The following UGT1A8 variants were observed in gnomAD, a reference collection of about 807,000 sequenced individuals.
UGT1A8 encodes the protein UDP glucuronosyltransferase family 1 member A8.
A neutral mutation model predicts 45.3 loss-of-function variants in UGT1A8; 39 were observed. The observed-to-expected ratio is 0.86, with a 90% CI of 0.67 to 1.12. The LOEUF (loss-of-function observed/expected upper bound fraction) is 1.12, where lower values mean the gene tolerates loss of function less well. Among genes scored for constraint, UGT1A8 ranks in the 50% most tolerant of loss-of-function variants. UGT1A8 has a pLI of 0.00. For synonymous variants in UGT1A8, 275 were observed against 249.2 expected (o/e 1.10, Z -0.97); for missense variants, 719 against 664.9 (o/e 1.08, Z -0.90).
At chr2:233,765,117 T>C (rs1698755913) in intron 1 of UGT1A8, among the ~76,000 whole-genome samples, 1 of 152,162 alleles carries the variant, frequency 6.6e-6, no homozygotes, top group Admixed American at 6.5e-5. Flanking sequence ...CTCAGGACTG[T>C]TCAGGTTTTA....
chr2:233,724,289 T>C (rs1391719370), intron 1 of UGT1A8, among the ~76,000 whole-genome samples: 13 of 129,340 alleles, frequency 1.0e-4, no homozygotes, highest in African/African-American at 3.0e-4. Flanking sequence ...GGCGGGGGGC[T>C]GACCCCCCCA....
At chr2:233,647,236 C>G (rs191887176) in intron 1 of UGT1A8, among the ~76,000 whole-genome samples, 1 of 152,178 alleles carries the variant, frequency 6.6e-6, no homozygotes, top group Non-Finnish European at 1.5e-5. Context: ...AGTTCCAATT[C>G]AAGATGAGCT....
At chr2:233,627,438 G>T (rs1417936972) in intron 1 of UGT1A8, among the ~76,000 whole-genome samples, 1 of 151,938 alleles carries the variant, frequency 6.6e-6, no homozygotes, top group African/African-American at 2.4e-5. Context: ...GTCATATAAT[G>T]ACTTTGCATT....
chr2:233,732,984 G>A lies in UGT1A8; in HGVS notation c.856-34050G>A, dbSNP rs112925257. On this transcript the variant is annotated intron_variant, in intron 1 of 4. Coordinates refer to ENST00000373450, the MANE Select transcript of UGT1A8 (RefSeq NM_019076.5). ...ATTTGTTTGTGTCTTCTTTTATTTCGTTGAGCAGTGGTTTGTAGTTCTCCT... is the reference window on the plus strand; with the variant it reads ...ATTTGTTTGTGTCTTCTTTTATTTCATTGAGCAGTGGTTTGTAGTTCTCCT... 1.2e-3 allele frequency among the ~76,000 whole-genome samples: 181 copies of A among 152,020 alleles called. 1 individual carries two copies. The highest frequency in any genetic ancestry group is 5.5e-3 in the Admixed American group (84 of 15,268).
chr2:233,717,440 C>G (rs1261238198), intron 1 of UGT1A8, among the ~76,000 whole-genome samples: 3 of 152,238 alleles, frequency 2.0e-5, no homozygotes, highest in Non-Finnish European at 4.4e-5. Context: ...CTGATGGACG[C>G]ATCCATTCAC....
chr2:233,688,606 C>G (rs1414211469), intron 1 of UGT1A8, among the ~76,000 whole-genome samples: 3 of 152,254 alleles, frequency 2.0e-5, no homozygotes, highest in South Asian at 4.1e-4. Flanking sequence ...CAGAATAACA[C>G]CCTCAGCAAA....
intron 1 of UGT1A8, chr2:233,649,036 T>C: frequency 1.7e-6 from 2 of 1,189,750 alleles, no homozygotes; most frequent in Non-Finnish European, 2.3e-6. Context: ...GGTAAGTCAT[T>C]GCTCCTTTAG....
chr2:233,743,731 G>T (rs373030535), intron 1 of UGT1A8: 5 of 1,367,244 alleles, frequency 3.7e-6, no homozygotes, highest in African/African-American at 3.0e-5. Context: ...CATAGATATC[G>T]CGTTTCTTGG....
intron 1 of UGT1A8, among the ~76,000 whole-genome samples, chr2:233,673,304 G>A (rs188982794): frequency 2.6e-4 from 40 of 152,152 alleles, no homozygotes; most frequent in Middle Eastern, 3.4e-3. Flanking sequence ...GACCAATACA[G>A]ACAGATTTGA....
intron 1 of UGT1A8, among the ~76,000 whole-genome samples, chr2:233,652,891 C>T (rs1338090829): frequency 6.6e-6 from 1 of 152,168 alleles, no homozygotes; most frequent in African/African-American, 2.4e-5. Context: ...ATTTATGACC[C>T]AGATTTGGAA....
chr2:233,648,440 T>TTTATTATTA (rs71058568), intron 1 of UGT1A8: 2 of 156,596 alleles, frequency 1.3e-5, no homozygotes, highest in Non-Finnish European at 2.8e-5. Flanking sequence ...GCTGTGACTT[T>TTTATTATTA]TTATTATTAT....
intron 1 of UGT1A8, chr2:233,747,510 T>C (rs1693700936): frequency 1.9e-6 from 3 of 1,608,048 alleles, no homozygotes; most frequent in Non-Finnish European, 2.6e-6. Flanking sequence ...CACTCAACTG[T>C]ACTTTGAAAC....
At chr2:233,619,720 T>G (rs1251991810) in intron 1 of UGT1A8, among the ~76,000 whole-genome samples, 1 of 152,188 alleles carries the variant, frequency 6.6e-6, no homozygotes, top group East Asian at 1.9e-4. Flanking sequence ...GTAATTAAAG[T>G]TTTGGTTTTT....
Position 233,617,992 on chromosome 2 carries a change from T to A in UGT1A8, c.285T>A (p.Asp95Glu). 6.2e-7 allele frequency: 1 copy of A among 1,614,228 alleles called. No homozygotes were observed. Among genetic ancestry groups the A allele is most frequent in the Middle Eastern group, 1.6e-4 (1 of 6,062 alleles). ...DLDREFMDFADAQWKAQVRSL... is the reference protein window; with the variant it reads ...DLDREFMDFAEAQWKAQVRSL... ...ACCGGGAATTCATGGATTTCGCCGA[T>A]GCTCAATGGAAAGCACAAGTACGAA... The change falls in exon 1 of 5, where the codon GAT becomes GAA. Residue 95 changes from aspartate (D) to glutamate (E), a missense_variant. By Grantham distance (45) the Asp-to-Glu change is conservative. Coordinates refer to ENST00000373450, the MANE Select transcript of UGT1A8 (RefSeq NM_019076.5).
intron 1 of UGT1A8, among the ~76,000 whole-genome samples, chr2:233,696,184 T>G (rs2075330442): frequency 6.6e-6 from 1 of 152,222 alleles, no homozygotes. Flanking sequence ...ATTGAAGAGC[T>G]ATCTGCACTC....
chr2:233,749,918 CA>C (rs1168394820), intron 1 of UGT1A8, among the ~76,000 whole-genome samples: 1 of 151,918 alleles, frequency 6.6e-6, no homozygotes. Flanking sequence ...AACTGTGAGT[CA>C]ATTAAAGCTC....
At chr2:233,761,445 T>C (rs1438331604) in intron 1 of UGT1A8, among the ~76,000 whole-genome samples, 2 of 152,234 alleles carry the variant, frequency 1.3e-5, no homozygotes, top group African/African-American at 4.8e-5. Flanking sequence ...CACAGAATGC[T>C]GGGTTTGGGG....
Position 233,690,972 on chromosome 2 carries a change from C to T in UGT1A8, c.855+72410C>T, listed in dbSNP as rs191302796. On this transcript the variant is annotated intron_variant, in intron 1 of 4. Coordinates refer to ENST00000373450, the MANE Select transcript of UGT1A8 (RefSeq NM_019076.5). Reference sequence around the variant, plus strand: ...CTGTAGGGACTTCTGGGACTAAGAACAGGACCCACATATGAGCAACAGGAT... The same window carrying T: ...CTGTAGGGACTTCTGGGACTAAGAATAGGACCCACATATGAGCAACAGGAT... 157 of 1,003,304 alleles carry T rather than the reference C, an allele frequency of 1.6e-4. 2 individuals are homozygous for T. In the Admixed American group the frequency reaches 8.5e-3, roughly 54 times the overall value. The allele number at this position is 1,003,304 out of a possible 1,614,324, so 62.2% of individuals were successfully genotyped here. A position where few individuals can be genotyped will look rare whatever the true frequency, so the allele number is the denominator to read the frequency against.
At chr2:233,729,021 C>G in intron 1 of UGT1A8, 4 of 1,593,202 alleles carry the variant, frequency 2.5e-6, no homozygotes, top group Non-Finnish European at 3.4e-6. Context: ...TCCAATTACA[C>G]GTTGATTTGC....
Sources: gnomAD v4.1 joint callset for allele counts (sites outside exome capture counted in the v4.1 genomes callset) on GRCh38, gnomAD v4.1.1 for gene constraint, MANE v1.5 for transcripts, NCBI Gene and HGNC (gene_info 2026-07-23, HGNC 2026-07-21) for gene names.